MAPK6: variants seen among roughly 807,000 people sequenced by gnomAD.
MAPK6 encodes the protein ERK-3.
Under a neutral mutation model 59.3 loss-of-function variants are expected in MAPK6, and 19 were observed. The observed-to-expected ratio is 0.32, with a 90% CI of 0.22 to 0.47. The LOEUF (loss-of-function observed/expected upper bound fraction) is 0.47. MAPK6 is among the 20% of genes least tolerant of loss of function. The pLI, the probability that MAPK6 is intolerant of heterozygous loss-of-function variation, is 1.00. For missense variants in MAPK6, 724 were observed against 847.9 expected (o/e 0.85, Z 1.81); for synonymous variants, 316 against 290.3 (o/e 1.09, Z -0.90).
chr15:52,059,760 A>C (rs1178589794), intron 4 of MAPK6, among the ~76,000 whole-genome samples: 1 of 152,224 alleles, frequency 6.6e-6, no homozygotes, highest in Non-Finnish European at 1.5e-5. Flanking sequence ...CTTGGTGGTC[A>C]CATGTGGCAG....
At chr15:51,981,367 G>A (rs554445818) in intron 1 of MAPK6, among the ~76,000 whole-genome samples, 2 of 151,996 alleles carry the variant, frequency 1.3e-5, no homozygotes, top group African/African-American at 4.8e-5. Context: ...CAGCTACTCC[G>A]GAGGCTGAGG....
chr15:51,984,145 A>T (rs2057183008), intron 2 of MAPK6, among the ~76,000 whole-genome samples: 1 of 152,208 alleles, frequency 6.6e-6, no homozygotes, highest in Admixed American at 6.6e-5. Flanking sequence ...ATAAATTATA[A>T]TGATGCAGTT....
chr15:52,059,123 C>T (rs1415194649), intron 4 of MAPK6, among the ~76,000 whole-genome samples: 1 of 151,264 alleles, frequency 6.6e-6, no homozygotes, highest in African/African-American at 2.5e-5. Context: ...AAAAAGAAAG[C>T]TGCTGTATTT....
At chr15:51,990,369 T>G (rs144425902) in intron 2 of MAPK6, among the ~76,000 whole-genome samples, 39 of 152,352 alleles carry the variant, frequency 2.6e-4, no homozygotes, top group Middle Eastern at 3.4e-3. Flanking sequence ...ATAATTGCTA[T>G]GGGCAGTGAG....
chr15:52,019,577 G>T (rs2030422448), intron 1 of MAPK6, among the ~76,000 whole-genome samples: 2 of 145,818 alleles, frequency 1.4e-5, no homozygotes, highest in South Asian at 4.2e-4. Flanking sequence ...CCGCCTGCCC[G>T]CCCGCTCGGG....
At chr15:52,029,309 C>CT (rs1164157533) in intron 1 of MAPK6, among the ~76,000 whole-genome samples, 1 of 152,124 alleles carries the variant, frequency 6.6e-6, no homozygotes, top group African/African-American at 2.4e-5. Flanking sequence ...CTGCACCTAG[C>CT]TTTGTTTTTT....
Position 52,064,956 on chromosome 15 carries a change from A to C in MAPK6, c.2122A>C (p.Ile708Leu). Residue 708 changes from isoleucine (I) to leucine (L), a missense_variant, in exon 6 of 6, where the codon ATT becomes CTT. Physicochemically the swap from Ile to Leu is conservative, Grantham distance 5. Around this residue, in one of 4 missense-constraint regions of MAPK6, gnomAD observed 502 missense variants for 507.6 expected, o/e 0.99. Transcript: ENST00000261845. ...TTCTGCTATGAAATCTTCCCCTCAA[A>C]TTCCTCATCAAACATACAGCAGCAT... ...TPSAMKSSPQ[I>L]PHQTYSSILK... is the part of the protein sequence containing the mutation. 1.2e-6 allele frequency: 2 copies of C among 1,611,610 alleles called. No homozygotes were observed. Among genetic ancestry groups the C allele is most frequent in the Non-Finnish European group, 1.7e-6 (2 of 1,179,540 alleles).
At chr15:51,993,628 A>T (rs2057216161) in intron 2 of MAPK6, among the ~76,000 whole-genome samples, 1 of 152,182 alleles carries the variant, frequency 6.6e-6, no homozygotes, top group Non-Finnish European at 1.5e-5. Context: ...AAATGTGTGT[A>T]TATGTAAAAG....
At chr15:52,013,931 C>T (rs182930926) in intron 3 of MAPK6, among the ~76,000 whole-genome samples, 2 of 152,236 alleles carry the variant, frequency 1.3e-5, no homozygotes, top group Non-Finnish European at 2.9e-5. Flanking sequence ...AGTGTAAAAT[C>T]CAAAAGTTTT....
chr15:51,974,327 G>A (rs1227000571), intron 1 of MAPK6, among the ~76,000 whole-genome samples: 1 of 151,454 alleles, frequency 6.6e-6, no homozygotes, highest in Non-Finnish European at 1.5e-5. Context: ...AATCCTATTT[G>A]GTTTGTGTTC....
chr15:52,030,463 C>G (rs770394491), intron 1 of MAPK6, among the ~76,000 whole-genome samples: 2 of 151,988 alleles, frequency 1.3e-5, no homozygotes, highest in Non-Finnish European at 2.9e-5. Flanking sequence ...CCCAGTGTAA[C>G]GTGATTCTGG....
intron 1 of MAPK6, among the ~76,000 whole-genome samples, chr15:51,979,370 G>C (rs1437615822): frequency 6.6e-6 from 1 of 151,596 alleles, no homozygotes; most frequent in Non-Finnish European, 1.5e-5. Context: ...CAGTTTAGTA[G>C]GATTATTTGA....
chr15:51,988,397 A>G (rs902847889), intron 2 of MAPK6, among the ~76,000 whole-genome samples: 1 of 152,144 alleles, frequency 6.6e-6, no homozygotes, highest in Non-Finnish European at 1.5e-5. Context: ...TATTTGTTAT[A>G]TAAGCCACCA....
At chr15:51,998,995 T>G (rs2057234622) in intron 2 of MAPK6, among the ~76,000 whole-genome samples, 1 of 145,866 alleles carries the variant, frequency 6.9e-6, no homozygotes, top group Non-Finnish European at 1.5e-5. Context: ...CGGCCTTTTT[T>G]TTTTGTTTTT....
At chr15:52,012,987 GAAAAAAAAAAAAAAAAAAAAAAAA>G (rs869196156) in intron 3 of MAPK6, among the ~76,000 whole-genome samples, 5 of 26,634 alleles carry the variant, frequency 1.9e-4, no homozygotes, top group East Asian at 1.6e-3. Flanking sequence ...ACTCCGCCTG[GAAAAAAAAAAAAAAAAAAAAAAAA>G]AAAAAAAAAA....
chr15:51,988,766 A>G (rs1170210977), intron 2 of MAPK6, among the ~76,000 whole-genome samples: 5 of 151,616 alleles, frequency 3.3e-5, no homozygotes, highest in African/African-American at 4.9e-5. Flanking sequence ...ACACACACAC[A>G]AAACCAGAAA....
rs552904038 is a variant in MAPK6, at chr15:52,066,924, G to A, written c.*1924G>A. 6.6e-6 allele frequency: 1 copy of A among 152,074 alleles called. No individual in the cohort carries two copies. The highest frequency in any genetic ancestry group is 2.4e-5 in the African/African-American group (1 of 41,394). The allele number at this position is 152,074 out of a possible 1,614,324, so 9.4% of individuals were successfully genotyped here. The stretch of plus-strand genomic sequence containing the variant: ...TTGATTTGTGGGGAAAAAAAAAATG[G>A]GACACTTTTAGTTGGAGCTGGGTGG... On this transcript the variant is annotated 3_prime_UTR_variant, in exon 6 of 6. Transcript: ENST00000261845.
At chr15:52,049,087 G>C (rs1381205347) in intron 2 of MAPK6, among the ~76,000 whole-genome samples, 1 of 152,136 alleles carries the variant, frequency 6.6e-6, no homozygotes, top group Non-Finnish European at 1.5e-5. Flanking sequence ...CAATCTCTCA[G>C]GGTAGTTTTG....
chr15:52,066,939 G>A lies in MAPK6; in HGVS notation c.*1939G>A, dbSNP rs888615811. 13 of 152,148 alleles carry A rather than the reference G, an allele frequency of 8.5e-5. No individual in the cohort carries two copies. The highest frequency in any genetic ancestry group is 3.1e-4 in the African/African-American group (13 of 41,414). The allele number at this position is 152,148 out of a possible 1,614,324, so 9.4% of individuals were successfully genotyped here. A position where few individuals can be genotyped will look rare whatever the true frequency, so the allele number is the denominator to read the frequency against. On this transcript the variant is annotated 3_prime_UTR_variant, in exon 6 of 6. Transcript: ENST00000261845. ...AAAAAAAATGGGACACTTTTAGTTG[G>A]AGCTGGGTGGGGTGACAAGTGCAGA...
Sources: gnomAD v4.1 joint callset for allele counts (sites outside exome capture counted in the v4.1 genomes callset) on GRCh38, gnomAD v4.1.1 for gene constraint, gnomAD v4.1.1 regional missense constraint, MANE v1.5 for transcripts, NCBI Gene and HGNC (gene_info 2026-07-23, HGNC 2026-07-21) for gene names.